The following NLGN1 variants were observed in gnomAD, a reference collection of about 807,000 sequenced individuals.
The protein encoded by NLGN1 is neuroligin 1, also known as neuroligin-1.
A neutral mutation model predicts 65.5 loss-of-function variants in NLGN1; 12 were observed. The ratio of observed to expected loss-of-function variants is 0.18; its 90% CI spans 0.12 to 0.30. NLGN1 has a LOEUF of 0.30. Ranked by LOEUF, NLGN1 falls within the 10% of genes least tolerant of loss-of-function variation. The pLI is 1.00. For missense variants in NLGN1, 750 were observed against 1,007.1 expected (o/e 0.74, Z 3.46); for synonymous variants, 350 against 359.5 (o/e 0.97, Z 0.30).
intron 4 of NLGN1, among the ~76,000 whole-genome samples, chr3:173,953,823 T>G (rs1205674613): frequency 6.6e-6 from 1 of 152,172 alleles, no homozygotes; most frequent in Non-Finnish European, 1.5e-5. Flanking sequence ...GGTTACAGGT[T>G]TGAGCCACTG....
chr3:173,777,137 A>G (rs1329621944), intron 3 of NLGN1, among the ~76,000 whole-genome samples: 1 of 151,988 alleles, frequency 6.6e-6, no homozygotes, highest in African/African-American at 2.4e-5. Flanking sequence ...AATAAGGATA[A>G]TAACAGTACC....
At chr3:174,289,013 TG>T (rs1468864906), downstream of NLGN1, among the ~76,000 whole-genome samples, 3 of 151,442 alleles carry the variant, frequency 2.0e-5, no homozygotes, top group Non-Finnish European at 3.0e-5. Context: ...CTACAGCCTA[TG>T]GAGACCTATC....
At chr3:173,456,828 A>G (rs1193243785) in intron 2 of NLGN1, among the ~76,000 whole-genome samples, 1 of 152,122 alleles carries the variant, frequency 6.6e-6, no homozygotes, top group Non-Finnish European at 1.5e-5. Context: ...GGAGCTCGGC[A>G]TATGATCTTC....
At chr3:174,128,803 C>T (rs971132530) in intron 4 of NLGN1, among the ~76,000 whole-genome samples, 1 of 151,994 alleles carries the variant, frequency 6.6e-6, no homozygotes, top group African/African-American at 2.4e-5. Context: ...TAAAGCAACC[C>T]GAAAAGAACA....
At chr3:173,539,804 A>ATG (rs1434583690) in intron 2 of NLGN1, among the ~76,000 whole-genome samples, 8 of 117,616 alleles carry the variant, frequency 6.8e-5, no homozygotes, top group African/African-American at 2.3e-4. Context: ...ATACATATAT[A>ATG]TACATATATA....
At chr3:174,062,680 G>A (rs890793344) in intron 4 of NLGN1, among the ~76,000 whole-genome samples, 8 of 151,678 alleles carry the variant, frequency 5.3e-5, no homozygotes, top group African/African-American at 1.9e-4. Flanking sequence ...TGAAACTATT[G>A]TTTCTATCTA....
chr3:174,149,025 A>C (rs1723852846), intron 4 of NLGN1, among the ~76,000 whole-genome samples: 1 of 152,162 alleles, frequency 6.6e-6, no homozygotes, highest in African/African-American at 2.4e-5. Flanking sequence ...GTCACATCTG[A>C]TTATGTTATC....
intron 3 of NLGN1, among the ~76,000 whole-genome samples, chr3:173,688,026 G>C (rs932992180): frequency 2.0e-5 from 3 of 152,200 alleles, no homozygotes; most frequent in Non-Finnish European, 2.9e-5. Flanking sequence ...TCAAATGCCT[G>C]ATATAATGGA....
Position 173,681,763 on chromosome 3 carries a change from C to G in NLGN1, c.493+76672C>G, listed in dbSNP as rs187883827. Reference sequence around the variant, plus strand: ...ACTGACCATAAGAATACTGAACAGACAGTAACCCCCCTCACAGGGATATTA... The same window carrying G: ...ACTGACCATAAGAATACTGAACAGAGAGTAACCCCCCTCACAGGGATATTA... On this transcript the variant is annotated intron_variant, in intron 3 of 6. Coordinates refer to ENST00000457714, the Ensembl canonical transcript of NLGN1. Among the ~76,000 whole-genome samples, 498 of 152,300 alleles carry G rather than the reference C, an allele frequency of 3.3e-3. 8 individuals are homozygous for G. The highest frequency in any genetic ancestry group is 2.5e-3 in the Non-Finnish European group (171 of 68,032).
chr3:173,923,019 C>T (rs773422015), intron 4 of NLGN1, among the ~76,000 whole-genome samples: 12 of 151,986 alleles, frequency 7.9e-5, no homozygotes, highest in Non-Finnish European at 1.6e-4. Context: ...TTATCATCAT[C>T]GTCATTATTG....
chr3:173,851,351 C>T (rs1450662643), intron 4 of NLGN1, among the ~76,000 whole-genome samples: 1 of 152,016 alleles, frequency 6.6e-6, no homozygotes, highest in Non-Finnish European at 1.5e-5. Flanking sequence ...TTGTTTAAGT[C>T]TTTGATGTGT....
intron 4 of NLGN1, among the ~76,000 whole-genome samples, chr3:173,846,972 A>G (rs1725913561): frequency 6.6e-6 from 1 of 152,230 alleles, no homozygotes. Flanking sequence ...ATCAATAGTT[A>G]AAACATTTTT....
At chr3:173,658,920 A>G (rs1411487044) in intron 3 of NLGN1, among the ~76,000 whole-genome samples, 1 of 152,060 alleles carries the variant, frequency 6.6e-6, no homozygotes, top group Non-Finnish European at 1.5e-5. Flanking sequence ...AAATGTTTGT[A>G]AAACTATCCC....
chr3:174,182,500 C>A (rs1577249304), intron 4 of NLGN1, among the ~76,000 whole-genome samples: 1 of 152,138 alleles, frequency 6.6e-6, no homozygotes, highest in Non-Finnish European at 1.5e-5. Context: ...ATGATGCATG[C>A]AAGTCACCTA....
chr3:173,672,856 C>G (rs1762632380), intron 3 of NLGN1, among the ~76,000 whole-genome samples: 1 of 152,154 alleles, frequency 6.6e-6, no homozygotes. Context: ...TTTACAACAG[C>G]AGAAGTGGTT....
At chr3:174,113,977 G>A (rs1232840942) in intron 4 of NLGN1, among the ~76,000 whole-genome samples, 1 of 152,120 alleles carries the variant, frequency 6.6e-6, no homozygotes, top group African/African-American at 2.4e-5. Context: ...CACAGCAGTA[G>A]TAGGAACCAC....
intron 3 of NLGN1, among the ~76,000 whole-genome samples, chr3:173,632,113 C>T (rs1160860726): frequency 1.3e-5 from 2 of 152,076 alleles, no homozygotes; most frequent in Non-Finnish European, 2.9e-5. Context: ...TCAGATACAT[C>T]TGCAGTGTCT....
chr3:173,463,941 T>C (rs1374983958), intron 2 of NLGN1, among the ~76,000 whole-genome samples: 2 of 151,984 alleles, frequency 1.3e-5, no homozygotes, highest in Non-Finnish European at 2.9e-5. Flanking sequence ...TACATAAATA[T>C]ACATTTTTCA....
chr3:173,607,789 A>G (rs1192786362), intron 3 of NLGN1, among the ~76,000 whole-genome samples: 1 of 151,256 alleles, frequency 6.6e-6, no homozygotes, highest in Non-Finnish European at 1.5e-5. Context: ...AACTGTGAGA[A>G]TAGTTGCTTT....
Sources: allele counts gnomAD v4.1 joint callset (sites outside exome capture counted in the v4.1 genomes callset), GRCh38; gene constraint gnomAD v4.1.1; transcripts MANE v1.5; gene names NCBI Gene and HGNC (gene_info 2026-07-23, HGNC 2026-07-21).